INSR: variants seen among roughly 807,000 people sequenced by gnomAD.
INSR encodes the protein IR.
INSR carries 67 observed loss-of-function variants against 142.6 expected under a neutral mutation model. The ratio of observed to expected loss-of-function variants is 0.47; its 90% CI spans 0.39 to 0.58. The LOEUF is 0.58. Ranked by LOEUF, INSR falls within the 20% of genes least tolerant of loss-of-function variation. The pLI, the probability that INSR is intolerant of heterozygous loss-of-function variation, is 0.00. For synonymous variants in INSR, 756 were observed against 743.1 expected (o/e 1.02, Z -0.28); for missense variants, 1,248 against 1,833.2 (o/e 0.68, Z 5.83).
intron 13 of INSR, among the ~76,000 whole-genome samples, chr19:7,138,456 C>A: frequency 6.6e-6 from 1 of 151,940 alleles, no homozygotes; most frequent in East Asian, 1.9e-4. Context: ...CCCACTATAA[C>A]CTGGAGCTCC....
At chr19:7,143,192 G>A in intron 11 of INSR, 102 bp from the exon 12 acceptor site, 1 of 1,319,494 alleles carries the variant, frequency 7.6e-7, no homozygotes. Flanking sequence ...AAAGATCAGA[G>A]CGCAGGAGGG....
At chr19:7,217,355 C>T (rs963147103) in intron 2 of INSR, among the ~76,000 whole-genome samples, 2 of 152,090 alleles carry the variant, frequency 1.3e-5, no homozygotes, top group African/African-American at 4.8e-5. Context: ...GGATCATCCC[C>T]CCGTCTCAAG....
Position 7,215,610 on chromosome 19 carries a change from C to G in INSR, c.653-30973G>C, listed in dbSNP as rs2145085397. Among the ~76,000 whole-genome samples, 2 of 151,580 alleles carry G rather than the reference C, an allele frequency of 1.3e-5. 1 individual carries two copies. Among genetic ancestry groups the G allele is most frequent in the Middle Eastern group, 6.8e-3 (2 of 292 alleles). On this transcript the variant is annotated intron_variant, in intron 2 of 21. Transcript: ENST00000302850. ...TGAGATGGAGTCTTGCTCTGTCACC[C>G]AGGCTGGAGTGCAGTGGCATGATCT...
chr19:7,220,964 G>A (rs1394624801), intron 2 of INSR, among the ~76,000 whole-genome samples: 2 of 152,062 alleles, frequency 1.3e-5, no homozygotes, highest in Non-Finnish European at 2.9e-5. Context: ...TATCATAGGA[G>A]TGGGACTGGT....
chr19:7,238,962 C>CAAAAAAAAAAAAAAA (rs71177185), intron 2 of INSR, among the ~76,000 whole-genome samples: 3 of 77,892 alleles, frequency 3.9e-5, no homozygotes, highest in South Asian at 5.7e-4. Context: ...GATGAATTCT[C>CAAAAAAAAAAAAAAA]AAAAAAAAAA....
chr19:7,233,715 G>A (rs1375355066), intron 2 of INSR, among the ~76,000 whole-genome samples: 7 of 111,636 alleles, frequency 6.3e-5, no homozygotes, highest in African/African-American at 2.5e-4. Context: ...TCGCTGTGTT[G>A]CCCAGGCTGG....
chr19:7,158,063 T>C (rs12979660), intron 9 of INSR, among the ~76,000 whole-genome samples: 199 of 84,840 alleles, frequency 2.3e-3, no homozygotes, highest in Admixed American at 4.2e-3. Context: ...ATTATTATTA[T>C]TATTATTATT....
chr19:7,230,279 A>C (rs1437471011), intron 2 of INSR, among the ~76,000 whole-genome samples: 5 of 152,126 alleles, frequency 3.3e-5, no homozygotes, highest in Non-Finnish European at 7.4e-5. Context: ...AATGAGGGAG[A>C]GAAAGATTCC....
chr19:7,256,163 C>G (rs1161979360), intron 2 of INSR, among the ~76,000 whole-genome samples: 1 of 152,124 alleles, frequency 6.6e-6, no homozygotes, highest in African/African-American at 2.4e-5. Flanking sequence ...AAGGGCTGGG[C>G]ATGGCGGCTC....
chr19:7,220,383 C>T (rs996805785), intron 2 of INSR, among the ~76,000 whole-genome samples: 4 of 152,172 alleles, frequency 2.6e-5, no homozygotes, highest in Admixed American at 6.5e-5. Context: ...CTCCGCCTCC[C>T]GGGTTCAAAC....
rs1796717203 is a variant in INSR at position 7,192,874 on chromosome 19, C to T, written c.653-8237G>A. ...ACTTTCAGCTGCGGTGGCTTTTTCA[C>T]TATACACTGCTGAGAAGATCAGGGA... On this transcript the variant is annotated intron_variant, in intron 2 of 21. Transcript: ENST00000302850. The surrounding 1 kb of genome is among the most constrained non-coding windows in gnomAD (Gnocchi z 4.2). Among the ~76,000 whole-genome samples, 1 of 152,158 alleles carries T rather than the reference C, an allele frequency of 6.6e-6. No homozygotes were observed. The highest frequency in any genetic ancestry group is 2.4e-5 in the African/African-American group (1 of 41,442).
chr19:7,279,668 C>T, intron 1 of INSR, among the ~76,000 whole-genome samples: 1 of 151,710 alleles, frequency 6.6e-6, no homozygotes, highest in Non-Finnish European at 1.5e-5. Context: ...GGAAAGGTAG[C>T]ACGGAGACAA....
intron 2 of INSR, among the ~76,000 whole-genome samples, chr19:7,198,456 T>C (rs955917937): frequency 1.3e-5 from 2 of 152,074 alleles, no homozygotes; most frequent in African/African-American, 2.4e-5. Context: ...CAAGGGCTCA[T>C]CAAGCATCCA....
At chr19:7,281,259 A>G (rs530857489) in intron 1 of INSR, among the ~76,000 whole-genome samples, 1 of 152,280 alleles carries the variant, frequency 6.6e-6, no homozygotes, top group South Asian at 2.1e-4. Flanking sequence ...GAGGGAACAT[A>G]TGAGGTCCTC....
rs1299032516 is a variant in INSR at position 7,192,906 on chromosome 19, TCTAA to T, written c.653-8273_653-8270del. Among the ~76,000 whole-genome samples, 2 of 151,994 alleles carry T rather than the reference TCTAA, an allele frequency of 1.3e-5. No individual in the cohort carries two copies. Among genetic ancestry groups the T allele is most frequent in the African/African-American group, 4.8e-5 (2 of 41,372 alleles). On this transcript the variant is annotated intron_variant, in intron 2 of 21. Coordinates refer to ENST00000302850, the MANE Select transcript of INSR (RefSeq NM_000208.4). The surrounding 1 kb of genome is among the most constrained non-coding windows in gnomAD (Gnocchi z 4.2). ...CTGCTGAGAAGATCAGGGACTAAAA[TCTAA>T]CTAAGTTGACGGAGGAGAAAGGAGA...
In INSR at chr19:7,276,157, T is replaced by C. The variant is rs149123441; in HGVS notation, c.101-8261A>G. Among the ~76,000 whole-genome samples the C allele has an allele frequency of 2.2e-3, 333 of 152,248 alleles. 2 individuals are homozygous for C. Among genetic ancestry groups the C allele is most frequent in the East Asian group, 0.016 (85 of 5,184 alleles). On this transcript the variant is annotated intron_variant, in intron 1 of 21. Coordinates refer to ENST00000302850, the MANE Select transcript of INSR (RefSeq NM_000208.4). ...TCCTTGTTCTTCAGTTACAGGATTT[T>C]TTTTTTGAGACAGAGTCTTGCTATG...
At chr19:7,276,808 G>A (rs531997809) in intron 1 of INSR, among the ~76,000 whole-genome samples, 346 of 152,206 alleles carry the variant, frequency 2.3e-3, no homozygotes, top group African/African-American at 7.6e-3. Context: ...TCGAATCACT[G>A]CAACCTCCAT....
rs1289206364 is a variant in INSR at position 7,225,741 on chromosome 19, C to T, written c.653-41104G>A. The stretch of plus-strand genomic sequence containing the variant: ...AGAGCAGAGAATAATTGCAGAGTGC[C>T]CCTCACCCCCATTCCAGCACCCTGG... On this transcript the variant is annotated intron_variant, in intron 2 of 21. Coordinates refer to ENST00000302850, the MANE Select transcript of INSR (RefSeq NM_000208.4). The surrounding 1 kb of genome is among the most constrained non-coding windows in gnomAD (Gnocchi z 4.7). 6.6e-6 allele frequency among the ~76,000 whole-genome samples: 1 copy of T among 151,940 alleles called. No individual in the cohort carries two copies. Among genetic ancestry groups the T allele is most frequent in the Non-Finnish European group, 1.5e-5 (1 of 67,976 alleles).
At chr19:7,146,185 C>T (rs1363871062) in intron 11 of INSR, among the ~76,000 whole-genome samples, 1 of 149,576 alleles carries the variant, frequency 6.7e-6, no homozygotes, top group East Asian at 2.0e-4. Flanking sequence ...TCTAACATCA[C>T]ATATTAGCTT....
Sources: gnomAD v4.1 joint callset for allele counts (sites outside exome capture counted in the v4.1 genomes callset) on GRCh38, gnomAD v4.1.1 for gene constraint, Gnocchi (gnomAD v3.1) non-coding constraint, MANE v1.5 for transcripts, NCBI Gene and HGNC (gene_info 2026-07-23, HGNC 2026-07-21) for gene names.